ADAM12: variants seen among roughly 807,000 people sequenced by gnomAD.
ADAM12 encodes the protein disintegrin and metalloproteinase domain-containing protein 12.
In ADAM12, 70 loss-of-function variants were observed where a neutral mutation model predicts 106.4. The observed-to-expected ratio is 0.66, with a 90% CI of 0.54 to 0.80. The LOEUF is 0.80. Among genes scored for constraint, ADAM12 ranks in the 30% least tolerant of loss-of-function variants. ADAM12 has a pLI of 0.00. For missense variants in ADAM12, 1,010 were observed against 1,171.9 expected (o/e 0.86, Z 2.02); for synonymous variants, 420 against 433.5 (o/e 0.97, Z 0.39).
intron 14 of ADAM12, among the ~76,000 whole-genome samples, chr10:126,061,296 T>C (rs1954750870): frequency 6.6e-6 from 1 of 152,116 alleles, no homozygotes; most frequent in South Asian, 2.1e-4. Context: ...ATATATTACA[T>C]GGAATAGATT....
At position 126,301,977 on chromosome 10, in the gene ADAM12, C is replaced by A. The variant is rs138479095; in HGVS notation, c.187-22989G>T. 7.6e-3 allele frequency among the ~76,000 whole-genome samples: 1,152 copies of A among 152,254 alleles called. 17 individuals are homozygous for A. The highest frequency in any genetic ancestry group is 0.027 in the African/African-American group (1,102 of 41,524). ...AGCATGTATCATGACCGTGGGACAG[C>A]TTGAGCCACTTAATAAAACTTTCAA... On this transcript the variant is annotated intron_variant, in intron 2 of 22. Transcript: ENST00000448723.
At chr10:126,106,887 T>C (rs949019776) in intron 8 of ADAM12, among the ~76,000 whole-genome samples, 2 of 152,188 alleles carry the variant, frequency 1.3e-5, no homozygotes, top group African/African-American at 2.4e-5. Flanking sequence ...CTATCATGTG[T>C]GTCTCTCCCC....
intron 11 of ADAM12, among the ~76,000 whole-genome samples, chr10:126,072,648 G>A (rs1348635327): frequency 1.3e-5 from 2 of 152,140 alleles, no homozygotes; most frequent in African/African-American, 4.8e-5. Flanking sequence ...AACCCACTGA[G>A]CATTTGGGGT....
chr10:126,120,640 C>T (rs1340312837), intron 5 of ADAM12, among the ~76,000 whole-genome samples: 6 of 151,874 alleles, frequency 4.0e-5, no homozygotes, highest in Non-Finnish European at 7.4e-5. Context: ...CAGAGAACAA[C>T]TTCATCCTGT....
intron 3 of ADAM12, among the ~76,000 whole-genome samples, chr10:126,235,424 A>T (rs1958394492): frequency 6.6e-6 from 1 of 152,160 alleles, no homozygotes. Context: ...TCTGGGAGAG[A>T]TGAGAACCAG....
intron 4 of ADAM12, among the ~76,000 whole-genome samples, chr10:126,153,517 T>C (rs1448179385): frequency 2.0e-5 from 3 of 152,326 alleles, no homozygotes; most frequent in Non-Finnish European, 4.4e-5. Flanking sequence ...AAATTTTATG[T>C]ATTTTCATTG....
In ADAM12 at chr10:126,266,313, G is replaced by C. The variant is rs1289542645; in HGVS notation, c.260+12602C>G. ...CAGGTGACAAGAGCAGCAGGTGCAG[G>C]GTGGGACGAGGCAGGGTACTGGGAT... On this transcript the variant is annotated intron_variant, in intron 3 of 22. Transcript: ENST00000448723. Among the ~76,000 whole-genome samples the C allele has an allele frequency of 2.0e-5, 3 of 152,268 alleles. No homozygotes were observed. In the East Asian group the frequency reaches 5.8e-4, roughly 29 times the overall value.
At chr10:126,245,596 C>T (rs1432269705) in intron 3 of ADAM12, among the ~76,000 whole-genome samples, 1 of 151,976 alleles carries the variant, frequency 6.6e-6, no homozygotes, top group Non-Finnish European at 1.5e-5. Context: ...GAATCCAGAC[C>T]CCAGGGCCAA....
At chr10:126,028,659 A>G (rs1434689748) in intron 21 of ADAM12, among the ~76,000 whole-genome samples, 1 of 152,220 alleles carries the variant, frequency 6.6e-6, no homozygotes, top group African/African-American at 2.4e-5. Flanking sequence ...TAAACTCAGG[A>G]TCGATTAAAG....
chr10:126,387,894 G>GC (rs11392528), intron 1 of ADAM12, among the ~76,000 whole-genome samples, 164 bp downstream of exon 1: 43,933 of 147,434 alleles, frequency 0.3, 7,563 homozygotes, highest in Middle Eastern at 0.37. Flanking sequence ...GCACCTGGGG[G>GC]GGGGGGGTCG....
At chr10:126,091,437 T>C (rs749044479) in intron 11 of ADAM12, among the ~76,000 whole-genome samples, 32 of 152,322 alleles carry the variant, frequency 2.1e-4, no homozygotes, top group South Asian at 1.4e-3. Context: ...GGAAGTTGCT[T>C]TCCATCTGAG....
intron 5 of ADAM12, among the ~76,000 whole-genome samples, chr10:126,122,777 A>G (rs574741065): frequency 2.0e-4 from 31 of 152,280 alleles, no homozygotes; most frequent in Non-Finnish European, 1.2e-4. Flanking sequence ...AAAAAAACAA[A>G]AACAGGCAAG....
At chr10:126,068,401 T>A (rs1220153679) in intron 12 of ADAM12, among the ~76,000 whole-genome samples, 1 of 152,156 alleles carries the variant, frequency 6.6e-6, no homozygotes, top group Admixed American at 6.5e-5. Context: ...CTCTCTCAAA[T>A]CACCCAGTAA....
chr10:126,149,706 C>T (rs1956695428), intron 4 of ADAM12, among the ~76,000 whole-genome samples: 1 of 152,202 alleles, frequency 6.6e-6, no homozygotes, highest in Non-Finnish European at 1.5e-5. Context: ...TGCCCTTGAA[C>T]ATCGGACTTC....
chr10:126,311,614 G>C (rs912068779), intron 2 of ADAM12, among the ~76,000 whole-genome samples: 1 of 152,080 alleles, frequency 6.6e-6, no homozygotes. Flanking sequence ...CTCTGGGGAG[G>C]GGAGAGGAGC....
intron 4 of ADAM12, among the ~76,000 whole-genome samples, chr10:126,141,258 T>C (rs1023144433): frequency 6.6e-6 from 1 of 152,170 alleles, no homozygotes; most frequent in Non-Finnish European, 1.5e-5. Context: ...CCTGTTCCTC[T>C]CTCTGATTGC....
At chr10:126,192,991 C>T (rs950488400) in intron 3 of ADAM12, among the ~76,000 whole-genome samples, 13 of 152,106 alleles carry the variant, frequency 8.5e-5, no homozygotes, top group Non-Finnish European at 7.4e-5. Flanking sequence ...GACCTCTGGG[C>T]GCAGTGGCTC....
intron 3 of ADAM12, among the ~76,000 whole-genome samples, chr10:126,219,984 T>C (rs1344444814): frequency 1.3e-5 from 2 of 152,088 alleles, no homozygotes; most frequent in Non-Finnish European, 2.9e-5. Flanking sequence ...AGCTGGAAAA[T>C]TCTGGATTTT....
chr10:126,163,550 T>A (rs556344099), intron 3 of ADAM12, among the ~76,000 whole-genome samples: 1 of 152,212 alleles, frequency 6.6e-6, no homozygotes, highest in South Asian at 2.1e-4. Context: ...TGCTTTCAGA[T>A]CAATATTGAA....
Sources: gnomAD v4.1 joint callset for allele counts (sites outside exome capture counted in the v4.1 genomes callset) on GRCh38, gnomAD v4.1.1 for gene constraint, MANE v1.5 for transcripts, NCBI Gene and HGNC (gene_info 2026-07-23, HGNC 2026-07-21) for gene names.